The following ZFYVE9 variants were observed in gnomAD, a reference collection of about 807,000 sequenced individuals.
ZFYVE9 encodes zinc finger FYVE domain-containing protein 9.
In ZFYVE9, 43 loss-of-function variants were observed where a neutral mutation model predicts 126.7. The ratio of observed to expected loss-of-function variants is 0.34; its 90% confidence interval spans 0.27 to 0.44. ZFYVE9 has a LOEUF of 0.44. ZFYVE9 is among the 20% of genes least tolerant of loss of function. The pLI is 1.00. For missense variants in ZFYVE9, 1,476 were observed against 1,697.0 expected (o/e 0.87, Z 2.29); for synonymous variants, 521 against 597.4 (o/e 0.87, Z 1.87).
chr1:52,249,334 T>C (rs346560), intron 4 of ZFYVE9, among the ~76,000 whole-genome samples: 1,763 of 152,330 alleles, frequency 0.012, 26 homozygotes, highest in African/African-American at 0.041. Flanking sequence ...GATATAGCCA[T>C]ATTAATAGGT....
In ZFYVE9 at chr1:52,238,182, C is replaced by A. The variant is rs1479624105; in HGVS notation, c.765C>A (p.Asp255Glu). The change falls in exon 4 of 19, where the codon GAC becomes GAA. Residue 255 changes from aspartate (D) to glutamate (E), a missense_variant. Physicochemically the swap from Asp to Glu is conservative, Grantham distance 45. Transcript: ENST00000287727. ...AGGATGACGGAAGTATAGGTAGAGA[C>A]CCCTCCATGTCTGCGATTACAAGTT... ...QLKDDGSIGR[D>E]PSMSAITSLT... 1 of 1,614,076 alleles carries A rather than the reference C, an allele frequency of 6.2e-7. No individual in the cohort carries two copies. The highest frequency in any genetic ancestry group is 8.5e-7 in the Non-Finnish European group (1 of 1,179,952).
chr1:52,247,472 G>A (rs1645397937), intron 4 of ZFYVE9, among the ~76,000 whole-genome samples: 1 of 152,010 alleles, frequency 6.6e-6, no homozygotes, highest in Admixed American at 6.6e-5. Flanking sequence ...CATTGTTGTT[G>A]TACAACCATA....
At chr1:52,169,017 A>G (rs1352524180) in intron 1 of ZFYVE9, among the ~76,000 whole-genome samples, 1 of 152,022 alleles carries the variant, frequency 6.6e-6, no homozygotes, top group Non-Finnish European at 1.5e-5. Flanking sequence ...CTCTGTTTTT[A>G]ACTACCTTCC....
At chr1:52,169,890 T>TA (rs1557435244) in intron 1 of ZFYVE9, among the ~76,000 whole-genome samples, 1 of 152,222 alleles carries the variant, frequency 6.6e-6, no homozygotes, top group Non-Finnish European at 1.5e-5. Flanking sequence ...AGTAAGCTAA[T>TA]ACATTTGTTG....
intron 4 of ZFYVE9, among the ~76,000 whole-genome samples, chr1:52,243,308 TAAG>T (rs946961963): frequency 4.0e-5 from 6 of 151,636 alleles, no homozygotes; most frequent in Non-Finnish European, 4.4e-5. Context: ...ATGAAGGAGA[TAAG>T]GAGGGATAAT....
chr1:52,316,100 G>A (rs545137589), intron 13 of ZFYVE9, among the ~76,000 whole-genome samples: 1 of 127,642 alleles, frequency 7.8e-6, no homozygotes, highest in South Asian at 2.8e-4. Flanking sequence ...AGAAGGCAGA[G>A]GTTGCAGTGA....
chr1:52,329,193 A>G (rs2147866651), intron 13 of ZFYVE9, among the ~76,000 whole-genome samples: 1 of 152,308 alleles, frequency 6.6e-6, no homozygotes, highest in African/African-American at 2.4e-5. Flanking sequence ...GCAGCAATGG[A>G]AAAGCCAATA....
intron 1 of ZFYVE9, among the ~76,000 whole-genome samples, chr1:52,193,983 G>A (rs1372606672): frequency 6.6e-6 from 1 of 152,020 alleles, no homozygotes; most frequent in Non-Finnish European, 1.5e-5. Flanking sequence ...AATTAAAGTA[G>A]TTGTAATCCC....
intron 1 of ZFYVE9, among the ~76,000 whole-genome samples, chr1:52,167,064 TAAAA>T (rs1348141371): frequency 3.9e-5 from 6 of 152,190 alleles, no homozygotes; most frequent in Non-Finnish European, 8.8e-5. Context: ...AAAGGAGTCA[TAAAA>T]AGAAATGTCT....
intron 7 of ZFYVE9, among the ~76,000 whole-genome samples, chr1:52,273,613 A>C (rs1645715796): frequency 6.6e-6 from 1 of 151,922 alleles, no homozygotes; most frequent in South Asian, 2.1e-4. Context: ...GGCGGATCAC[A>C]AGGTCAGGAG....
chr1:52,166,253 A>G (rs1557433402), intron 1 of ZFYVE9, among the ~76,000 whole-genome samples: 1 of 152,242 alleles, frequency 6.6e-6, no homozygotes, highest in Non-Finnish European at 1.5e-5. Context: ...AGGTGCAAGC[A>G]GTTCTACCCA....
At chr1:52,313,324 C>T (rs1280557693) in intron 13 of ZFYVE9, among the ~76,000 whole-genome samples, 2 of 152,194 alleles carry the variant, frequency 1.3e-5, no homozygotes, top group Admixed American at 1.3e-4. Flanking sequence ...GGTGAGTCTT[C>T]TGCTTACCCT....
chr1:52,253,487 A>G (rs1053605249), intron 4 of ZFYVE9: 4 of 603,214 alleles, frequency 6.6e-6, no homozygotes, highest in Non-Finnish European at 1.2e-5. Context: ...ACACTGGCAT[A>G]TTTACACATT....
At chr1:52,295,536 G>GT (rs964204122) in intron 11 of ZFYVE9, among the ~76,000 whole-genome samples, 11 of 151,856 alleles carry the variant, frequency 7.2e-5, no homozygotes, top group African/African-American at 1.9e-4. Flanking sequence ...TTTTTTGTTT[G>GT]TTTTTTTGTA....
chr1:52,343,608 TAGCC>T (rs1646459494), intron 17 of ZFYVE9, among the ~76,000 whole-genome samples: 1 of 149,996 alleles, frequency 6.7e-6, no homozygotes, highest in Admixed American at 6.7e-5. Flanking sequence ...ATATAAAAAT[TAGCC>T]AGGTGTGGTG....
chr1:52,210,657 C>G (rs1396044977), intron 1 of ZFYVE9, among the ~76,000 whole-genome samples: 2 of 151,990 alleles, frequency 1.3e-5, no homozygotes, highest in Non-Finnish European at 2.9e-5. Flanking sequence ...GTGGTTCTCT[C>G]TCTCTCTATT....
intron 17 of ZFYVE9, among the ~76,000 whole-genome samples, chr1:52,341,970 C>T (rs889865669): frequency 4.6e-5 from 7 of 152,194 alleles, no homozygotes; most frequent in African/African-American, 1.7e-4. Context: ...TCCCCAGTAG[C>T]AGTGAGGTAG....
chr1:52,220,129 G>A (rs986230091), intron 2 of ZFYVE9, among the ~76,000 whole-genome samples: 1 of 152,126 alleles, frequency 6.6e-6, no homozygotes, highest in Non-Finnish European at 1.5e-5. Flanking sequence ...CAATGGGAAG[G>A]CATTTTGTCC....
chr1:52,270,262 T>G (rs1412715793), intron 7 of ZFYVE9, among the ~76,000 whole-genome samples: 1 of 152,132 alleles, frequency 6.6e-6, no homozygotes, highest in African/African-American at 2.4e-5. Context: ...AGCTTTAATT[T>G]TTTTGTTTTG....
Sources: allele counts gnomAD v4.1 joint callset (sites outside exome capture counted in the v4.1 genomes callset), GRCh38; gene constraint gnomAD v4.1.1; transcripts MANE v1.5; gene names NCBI Gene and HGNC (gene_info 2026-07-23, HGNC 2026-07-21).